The following WARS2 variants were observed in gnomAD, a reference collection of about 807,000 sequenced individuals.
The protein encoded by WARS2 is tryptophan--tRNA ligase, mitochondrial.
Under a neutral mutation model 36.5 loss-of-function variants are expected in WARS2, and 28 were observed. That is an observed-to-expected ratio of 0.77 (90% CI 0.57 to 1.05). The LOEUF (loss-of-function observed/expected upper bound fraction) is 1.05. WARS2 is among the 50% of genes least tolerant of loss of function. The probability of loss-of-function intolerance (pLI) is 0.00; values close to 1 mark genes in which losing one functional copy is unlikely to be tolerated. For synonymous variants in WARS2, 174 were observed against 178.4 expected, an observed-to-expected ratio of 0.98 and a Z score of 0.20; for missense variants, 435 against 456.8, an observed-to-expected ratio of 0.95 and a Z score of 0.44.
At chr1:119,095,590 G>A (rs773421051) in intron 1 of WARS2, among the ~76,000 whole-genome samples, 3 of 151,938 alleles carry the variant, frequency 2.0e-5, no homozygotes, top group Admixed American at 2.0e-4. Context: ...CTGCCACCGC[G>A]CCCGGCTAAT....
At chr1:119,057,169 T>C (rs1289528622) in intron 2 of WARS2, among the ~76,000 whole-genome samples, 1 of 152,004 alleles carries the variant, frequency 6.6e-6, no homozygotes, top group Non-Finnish European at 1.5e-5. Context: ...ATTTTTGAGA[T>C]GGAGTCTTGC....
intron 2 of WARS2, among the ~76,000 whole-genome samples, chr1:119,067,918 T>C (rs1198707003): frequency 6.6e-6 from 1 of 152,132 alleles, no homozygotes; most frequent in Non-Finnish European, 1.5e-5. Flanking sequence ...ACACAAGTAC[T>C]GCAGCTTGTT....
At chr1:119,062,254 C>A (rs896970172) in intron 2 of WARS2, among the ~76,000 whole-genome samples, 1 of 152,184 alleles carries the variant, frequency 6.6e-6, no homozygotes, top group Non-Finnish European at 1.5e-5. Context: ...AGAGAAGCTA[C>A]CTTGCTGGCA....
intron 1 of WARS2, among the ~76,000 whole-genome samples, chr1:119,097,565 G>A (rs1653530007): frequency 6.6e-6 from 1 of 152,178 alleles, no homozygotes; most frequent in Non-Finnish European, 1.5e-5. Context: ...TACCACATTT[G>A]TGGAGCACTC....
chr1:119,077,265 A>T (rs959987794), intron 1 of WARS2, among the ~76,000 whole-genome samples: 11 of 152,310 alleles, frequency 7.2e-5, no homozygotes, highest in Middle Eastern at 3.4e-3. Context: ...TTGGAATGAT[A>T]CAGAATAGGG....
At position 119,032,885 on chromosome 1, in the gene WARS2, G is replaced by T; in HGVS notation, c.*26C>A. On this transcript the variant is annotated 3_prime_UTR_variant, in exon 6 of 6. Transcript: ENST00000235521. ...AATGCATGGAGTGCAAGGCACAAAA[G>T]CCTTGCTGTGATTCGTTGAAACTTC... 1 of 1,592,388 alleles carries T rather than the reference G, an allele frequency of 6.3e-7. No homozygotes were observed. The highest frequency in any genetic ancestry group is 8.6e-7 in the Non-Finnish European group (1 of 1,166,892).
At chr1:119,113,057 T>C (rs12068932) in intron 1 of WARS2, among the ~76,000 whole-genome samples, 120,788 of 152,160 alleles carry the variant, frequency 0.79, 48,369 homozygotes, top group East Asian at 0.89. Flanking sequence ...AGTGAGTCCA[T>C]GGTCAGTAGG....
intron 1 of WARS2, among the ~76,000 whole-genome samples, chr1:119,113,700 C>A (rs997413919): frequency 2.0e-5 from 3 of 152,066 alleles, no homozygotes; most frequent in Admixed American, 2.0e-4. Context: ...GATCAAATCC[C>A]TGCACTTTTG....
chr1:119,113,483 T>C (rs1469306410), intron 1 of WARS2, among the ~76,000 whole-genome samples: 2 of 152,182 alleles, frequency 1.3e-5, no homozygotes, highest in African/African-American at 2.4e-5. Flanking sequence ...AGATAGCAGA[T>C]TCCTTAAGAC....
intron 1 of WARS2, among the ~76,000 whole-genome samples, chr1:119,132,002 G>A (rs1656152068): frequency 6.6e-6 from 1 of 152,012 alleles, no homozygotes; most frequent in African/African-American, 2.4e-5. Flanking sequence ...TATTATTGAA[G>A]AAGTCATCAT....
rs757505799 is a variant in WARS2 at position 119,033,185 on chromosome 1, G to A, written c.809C>T (p.Ala270Val). 4 of 1,614,100 alleles carry A rather than the reference G, an allele frequency of 2.5e-6. No homozygotes were observed. The highest frequency in any genetic ancestry group is 3.4e-6 in the Non-Finnish European group (4 of 1,180,048). ...SEVTYDPAGR[A>V]GVSNIVAVHA... ...CACCGCCACTATGTTGGACACGCCA[G>A]CGCGGCCAGCCGGGTCATAGGTGAC... The change falls in exon 6 of 6, where the codon GCT becomes GTT. Residue 270 changes from alanine to valine, a missense_variant. By Grantham distance (64) the Ala-to-Val change is moderately conservative. Coordinates refer to ENST00000235521, the MANE Select transcript of WARS2 (RefSeq NM_015836.4).
chr1:119,080,679 C>T (rs1375254845), intron 1 of WARS2, among the ~76,000 whole-genome samples: 2 of 152,166 alleles, frequency 1.3e-5, no homozygotes, highest in Non-Finnish European at 2.9e-5. Context: ...AGTCAGCAGG[C>T]GGCCTGACGG....
At chr1:119,086,379 T>C (rs186626124) in intron 1 of WARS2, among the ~76,000 whole-genome samples, 2 of 152,354 alleles carry the variant, frequency 1.3e-5, no homozygotes, top group East Asian at 3.9e-4. Flanking sequence ...CACCAAGTCG[T>C]CAGACTGTTA....
rs1648432990 is a variant in WARS2, at chr1:119,042,257, T to C, written c.515+7A>G. 6.2e-7 allele frequency: 1 copy of C among 1,613,698 alleles called. No homozygotes were observed. The highest frequency in any genetic ancestry group is 8.5e-7 in the Non-Finnish European group (1 of 1,179,702). ...ATGTATAAGACTGGGCTGAACTCTC[T>C]TCTTACTTGTACAACAGAATGTCGG... On this transcript the variant is annotated splice_region_variant and intron_variant, in intron 4 of 5. Transcript: ENST00000235521.
rs1656892495 is a variant in WARS2 at position 119,140,560 on chromosome 1, G to C, written c.85C>G (p.Leu29Val). 1 of 1,613,184 alleles carries C rather than the reference G, an allele frequency of 6.2e-7. No individual in the cohort carries two copies. Among genetic ancestry groups the C allele is most frequent in the Non-Finnish European group, 8.5e-7 (1 of 1,179,376 alleles). ...GAAGGGCCGTCTTTGGTTACCTGGA[G>C]AGCGGGAGCAGCTGCGGATCCCTTA... ...LHKGSAAAPA[L>V]QKDSKKRVFS... The change falls in exon 1 of 6, where the codon CTC becomes GTC. Residue 29 changes from leucine (L) to valine (V), a missense_variant. Transcript: ENST00000235521.
chr1:119,130,053 A>G (rs1655982942), intron 1 of WARS2, among the ~76,000 whole-genome samples: 1 of 152,128 alleles, frequency 6.6e-6, no homozygotes, highest in Non-Finnish European at 1.5e-5. Flanking sequence ...TGTTCTCTCC[A>G]TCTATGCAGG....
At chr1:119,119,674 C>G (rs1421211897) in intron 1 of WARS2, among the ~76,000 whole-genome samples, 1 of 152,036 alleles carries the variant, frequency 6.6e-6, no homozygotes, top group Non-Finnish European at 1.5e-5. Context: ...AAACACATCT[C>G]AATAAATTTA....
intron 1 of WARS2, among the ~76,000 whole-genome samples, chr1:119,108,316 G>C (rs1200957844): frequency 6.6e-6 from 1 of 151,918 alleles, no homozygotes; most frequent in Admixed American, 6.6e-5. Context: ...TCAAGGCCTG[G>C]TACTTTATAT....
chr1:119,135,698 T>C (rs12136899), intron 1 of WARS2, among the ~76,000 whole-genome samples: 77,305 of 151,462 alleles, frequency 0.51, 20,762 homozygotes, highest in East Asian at 0.84. Flanking sequence ...AATATAGAGA[T>C]AGATAGATTA....
Sources: allele counts gnomAD v4.1 joint callset (sites outside exome capture counted in the v4.1 genomes callset), GRCh38; gene constraint gnomAD v4.1.1; transcripts MANE v1.5; gene names NCBI Gene and HGNC (gene_info 2026-07-23, HGNC 2026-07-21).